FBXL13: variants seen among roughly 807,000 people sequenced by gnomAD.
FBXL13 encodes F-box and leucine-rich repeat protein 13.
Under a neutral mutation model 83.6 loss-of-function variants are expected in FBXL13, and 67 were observed. The ratio of observed to expected loss-of-function variants is 0.80; its 90% confidence interval spans 0.66 to 0.98. The LOEUF (loss-of-function observed/expected upper bound fraction) is 0.98. FBXL13 is among the 50% of genes least tolerant of loss of function. The probability of loss-of-function intolerance (pLI) is 0.00; values close to 1 mark genes in which losing one functional copy is unlikely to be tolerated. For missense variants in FBXL13, 822 were observed against 866.5 expected, an observed-to-expected ratio of 0.95 and a Z score of 0.64; for synonymous variants, 272 against 299.5, an observed-to-expected ratio of 0.91 and a Z score of 0.95.
intron 2 of FBXL13, among the ~76,000 whole-genome samples, chr7:103,031,656 A>G (rs1794525123): frequency 6.6e-6 from 1 of 152,212 alleles, no homozygotes; most frequent in Admixed American, 6.5e-5. Flanking sequence ...GCATCACAAT[A>G]CGATTTCTAA....
At chr7:102,888,340 C>G (rs1404060927) in intron 11 of FBXL13, among the ~76,000 whole-genome samples, 1 of 152,186 alleles carries the variant, frequency 6.6e-6, no homozygotes, top group Non-Finnish European at 1.5e-5. Flanking sequence ...AGATTGAGAC[C>G]ATCCTGGCTA....
intron 10 of FBXL13, among the ~76,000 whole-genome samples, chr7:102,922,076 G>C (rs941740370): frequency 6.6e-6 from 1 of 151,974 alleles, no homozygotes; most frequent in Non-Finnish European, 1.5e-5. Context: ...TGTAATCCTA[G>C]TTACTCAGGA....
At chr7:102,872,742 G>C (rs1346275746) in intron 16 of FBXL13, among the ~76,000 whole-genome samples, 1 of 152,152 alleles carries the variant, frequency 6.6e-6, no homozygotes, top group Non-Finnish European at 1.5e-5. Context: ...CCATTTAAGT[G>C]AACATTTTGA....
chr7:103,058,048 G>C (rs1239758504), intron 1 of FBXL13, among the ~76,000 whole-genome samples: 1 of 152,028 alleles, frequency 6.6e-6, no homozygotes, highest in Non-Finnish European at 1.5e-5. Flanking sequence ...TCTAGGCCTG[G>C]GGTCTTTTCT....
chr7:102,898,459 C>CT (rs986102694), intron 11 of FBXL13, among the ~76,000 whole-genome samples: 41 of 152,110 alleles, frequency 2.7e-4, no homozygotes, highest in African/African-American at 9.6e-4. Flanking sequence ...GCCCAGCTAA[C>CT]TTTTTTTATT....
At chr7:102,875,487 A>G (rs985963314) in intron 16 of FBXL13, among the ~76,000 whole-genome samples, 1 of 152,134 alleles carries the variant, frequency 6.6e-6, no homozygotes, top group African/African-American at 2.4e-5. Flanking sequence ...CTATCCAGCT[A>G]GAGAGAAAGT....
chr7:102,987,549 A>G (rs1829117858), intron 6 of FBXL13, among the ~76,000 whole-genome samples: 1 of 152,210 alleles, frequency 6.6e-6, no homozygotes, highest in South Asian at 2.1e-4. Flanking sequence ...GTGTGGATGC[A>G]TTTTATACGA....
At chr7:102,835,565 T>C (rs1392763818) in intron 17 of FBXL13, among the ~76,000 whole-genome samples, 2 of 149,988 alleles carry the variant, frequency 1.3e-5, no homozygotes, top group African/African-American at 4.9e-5. Context: ...CTTTTAATAA[T>C]ACAAGAATTT....
intron 17 of FBXL13, among the ~76,000 whole-genome samples, chr7:102,847,493 A>G (rs1429636339): frequency 2.0e-5 from 3 of 152,182 alleles, no homozygotes; most frequent in Non-Finnish European, 4.4e-5. Context: ...AAACATAGAC[A>G]AAAAGGTAAT....
chr7:103,016,500 CCGAGCGAGAG>C (rs1406188853), intron 6 of FBXL13, among the ~76,000 whole-genome samples: 2 of 152,098 alleles, frequency 1.3e-5, no homozygotes, highest in Non-Finnish European at 2.9e-5. Flanking sequence ...GTGCAGCCCA[CCGAGCGAGAG>C]CCGAAGCAGG....
At chr7:103,060,152 T>C (rs1797770492) in intron 1 of FBXL13, among the ~76,000 whole-genome samples, 1 of 148,766 alleles carries the variant, frequency 6.7e-6, no homozygotes, top group African/African-American at 2.5e-5. Context: ...CTCAAGCTCT[T>C]GAGCTCAGGC....
chr7:102,818,552 A>G (rs561843385), intron 19 of FBXL13, among the ~76,000 whole-genome samples: 1 of 152,170 alleles, frequency 6.6e-6, no homozygotes, highest in Admixed American at 6.5e-5. Flanking sequence ...GCTAGAGAGG[A>G]GAACTCTGAT....
At chr7:102,985,913 G>A (rs1828887062) in intron 6 of FBXL13, among the ~76,000 whole-genome samples, 1 of 152,096 alleles carries the variant, frequency 6.6e-6, no homozygotes, top group South Asian at 2.1e-4. Flanking sequence ...TAAAATGGGT[G>A]AGTATGAACA....
chr7:103,007,026 G>A (rs1608650), intron 6 of FBXL13, among the ~76,000 whole-genome samples: 150,845 of 152,216 alleles, frequency 0.99, 74,758 homozygotes, highest in South Asian at 1. Flanking sequence ...AGCAATAACC[G>A]CTATTCAAAA....
At chr7:103,059,164 C>G (rs1563284987) in intron 1 of FBXL13, among the ~76,000 whole-genome samples, 1 of 151,932 alleles carries the variant, frequency 6.6e-6, no homozygotes, top group African/African-American at 2.4e-5. Flanking sequence ...TAGCTACTTG[C>G]TAGGTGGGAG....
chr7:102,836,058 C>CA (rs1479774307), intron 17 of FBXL13, among the ~76,000 whole-genome samples: 1 of 152,200 alleles, frequency 6.6e-6, no homozygotes, highest in Non-Finnish European at 1.5e-5. Flanking sequence ...GAGGGAGATT[C>CA]AAGGCTCTTC....
rs189585508 is a variant in FBXL13, at chr7:102,940,269, G to A, written c.725-8336C>T. ...TCTGTTGCCAGGCTGGAGTGCAATG[G>A]TGCAATCTCGGCTCACTGCAAGCTC... On this transcript the variant is annotated intron_variant, in intron 8 of 19. Transcript: ENST00000313221. 6.2e-3 allele frequency among the ~76,000 whole-genome samples: 935 copies of A among 150,328 alleles called. 30 individuals carry two copies. Among genetic ancestry groups the A allele is most frequent in the Admixed American group, 0.057 (859 of 15,018 alleles).
chr7:102,841,131 T>C (rs928227279), intron 17 of FBXL13, among the ~76,000 whole-genome samples: 1 of 152,264 alleles, frequency 6.6e-6, no homozygotes, highest in East Asian at 1.9e-4. Flanking sequence ...GTGTGTCACA[T>C]AGAAGAGGGA....
chr7:102,903,325 G>C (rs558700942), intron 11 of FBXL13, among the ~76,000 whole-genome samples: 44 of 152,112 alleles, frequency 2.9e-4, no homozygotes, highest in African/African-American at 1.1e-3. Context: ...GTAGACCTTA[G>C]GTTTTTCCAA....
Sources: gnomAD v4.1 joint callset for allele counts (sites outside exome capture counted in the v4.1 genomes callset) on GRCh38, gnomAD v4.1.1 for gene constraint, MANE v1.5 for transcripts, NCBI Gene and HGNC (gene_info 2026-07-23, HGNC 2026-07-21) for gene names.